ZNF469: variants seen among roughly 807,000 people sequenced by gnomAD.
ZNF469 encodes the protein zinc finger protein 469.
In ZNF469, 1 loss-of-function variant was observed where a neutral mutation model predicts 1.0. The ratio of observed to expected loss-of-function variants is 1.00; its 90% confidence interval spans 0.35 to 4.73. The LOEUF (loss-of-function observed/expected upper bound fraction) is 4.73. Ranked by LOEUF, ZNF469 falls within the 30% of genes most tolerant of loss-of-function variation. The pLI is 0.16. For missense variants in ZNF469, 6,100 were observed against 5,356.3 expected (o/e 1.14, Z -4.33); for synonymous variants, 2,703 against 2,363.4 (o/e 1.14, Z -4.17).
chr16:88,363,316 G>A, the ZNF469 span, among the ~76,000 whole-genome samples: 1 of 152,200 alleles, frequency 6.6e-6, no homozygotes, highest in Non-Finnish European at 1.5e-5. Context: ...TGGACATTGT[G>A]AGTGACATAT....
At position 88,433,114 on chromosome 16, in the gene ZNF469, G is replaced by T; in HGVS notation, c.5644G>T (p.Ala1882Ser). The change falls in exon 3 of 3, where the codon GCC becomes TCC. Residue 1882 changes from alanine to serine, a missense_variant. Physicochemically the swap from Ala to Ser is moderately conservative, Grantham distance 99. Coordinates refer to ENST00000565624, the MANE Select transcript of ZNF469 (RefSeq NM_001367624.2). Reference protein sequence around the residue: ...EAWLVPVPSPACVSNTHPSRR... With the variant: ...EAWLVPVPSPSCVSNTHPSRR... ...TTGGTTGGTCCCTGTGCCAAGTCCC[G>T]CCTGTGTATCCAACACCCACCCTAG... is the stretch of plus-strand genomic sequence containing the variant. The T allele has an allele frequency of 6.5e-7, 1 of 1,550,288 alleles. No individual in the cohort carries two copies. The highest frequency in any genetic ancestry group is 2.4e-5 in the East Asian group (1 of 40,920).
intron 1 of ZNF469, among the ~76,000 whole-genome samples, chr16:88,394,654 G>A (rs1251145012): frequency 6.6e-6 from 1 of 152,148 alleles, no homozygotes; most frequent in African/African-American, 2.4e-5. Flanking sequence ...TGGTGAGCTT[G>A]TCGAATGCTG....
At chr16:88,337,692 A>G in the ZNF469 span, among the ~76,000 whole-genome samples, 1 of 152,122 alleles carries the variant, frequency 6.6e-6, no homozygotes, top group South Asian at 2.1e-4. Context: ...GCACATCTTT[A>G]GTTCTGGCCA....
chr16:88,118,139 T>G, the ZNF469 span, among the ~76,000 whole-genome samples: 1 of 152,068 alleles, frequency 6.6e-6, no homozygotes, highest in Non-Finnish European at 1.5e-5. Context: ...GACGGGGTTT[T>G]GCCATGTTGG....
chr16:88,185,312 G>A, the ZNF469 span, among the ~76,000 whole-genome samples: 3 of 152,076 alleles, frequency 2.0e-5, no homozygotes, highest in East Asian at 5.8e-4. Flanking sequence ...AACTCTCACA[G>A]TCACACATTC....
the ZNF469 span, among the ~76,000 whole-genome samples, chr16:88,346,051 C>T: frequency 6.6e-6 from 1 of 152,222 alleles, no homozygotes; most frequent in South Asian, 2.1e-4. Context: ...GCTGTGAGCA[C>T]ACCACTCAGA....
the ZNF469 span, among the ~76,000 whole-genome samples, chr16:88,288,374 G>A: frequency 2.6e-4 from 40 of 152,242 alleles, no homozygotes; most frequent in African/African-American, 8.7e-4. Flanking sequence ...TTGATGGCAG[G>A]ACCTACCTGT....
At chr16:88,329,196 C>T in the ZNF469 span, among the ~76,000 whole-genome samples, 10 of 152,124 alleles carry the variant, frequency 6.6e-5, no homozygotes, top group East Asian at 1.4e-3. Flanking sequence ...GTAACACGGC[C>T]GCTGCTGTCC....
chr16:88,408,832 G>A (rs1332789662), intron 1 of ZNF469, among the ~76,000 whole-genome samples: 1 of 152,234 alleles, frequency 6.6e-6, no homozygotes, highest in East Asian at 1.9e-4. Context: ...TGGCCCCAGT[G>A]CCTTTTCCAG....
intron 1 of ZNF469, among the ~76,000 whole-genome samples, chr16:88,401,532 TGCATGGG>T (rs1567501588): frequency 1.4e-3 from 149 of 103,100 alleles, no homozygotes; most frequent in Middle Eastern, 5.3e-3. Context: ...GATGGATGGA[TGCATGGG>T]TGGATGGATG....
intron 1 of ZNF469, among the ~76,000 whole-genome samples, chr16:88,387,463 T>G (rs895921688): frequency 2.6e-5 from 4 of 152,136 alleles, no homozygotes; most frequent in Non-Finnish European, 4.4e-5. Context: ...CCCACCCCCT[T>G]GGCTGCTTGC....
chr16:88,129,841 A>G, the ZNF469 span, among the ~76,000 whole-genome samples: 1 of 152,230 alleles, frequency 6.6e-6, no homozygotes, highest in African/African-American at 2.4e-5. Flanking sequence ...AGCCTGGGCC[A>G]CAGAGCGAGA....
At chr16:88,203,728 CT>C in the ZNF469 span, among the ~76,000 whole-genome samples, 25 of 150,100 alleles carry the variant, frequency 1.7e-4, no homozygotes, top group African/African-American at 5.8e-4. Context: ...GTGTCTGTCC[CT>C]GTGTGTGTGT....
intron 1 of ZNF469, among the ~76,000 whole-genome samples, chr16:88,400,369 C>T (rs767976886): frequency 2.0e-5 from 3 of 152,192 alleles, no homozygotes; most frequent in Non-Finnish European, 4.4e-5. Flanking sequence ...ACCAGGACAA[C>T]GGCTCCATTT....
the ZNF469 span, among the ~76,000 whole-genome samples, chr16:88,214,552 C>A: frequency 2.9e-3 from 447 of 151,930 alleles, 2 homozygotes; most frequent in African/African-American, 9.5e-3. Flanking sequence ...CAGTGCAGAA[C>A]GTGCAGGTTT....
chr16:88,199,082 G>A, the ZNF469 span, among the ~76,000 whole-genome samples: 1 of 152,196 alleles, frequency 6.6e-6, no homozygotes, highest in Admixed American at 6.5e-5. Context: ...TGCCACCAGG[G>A]TTCCCATTCC....
chr16:88,363,632 T>G, the ZNF469 span, among the ~76,000 whole-genome samples: 2 of 152,250 alleles, frequency 1.3e-5, no homozygotes, highest in African/African-American at 2.4e-5. Flanking sequence ...CCCTAAACTC[T>G]GTCTTCTGGT....
the ZNF469 span, among the ~76,000 whole-genome samples, chr16:88,135,431 G>A: frequency 1.3e-5 from 2 of 152,238 alleles, no homozygotes; most frequent in Non-Finnish European, 2.9e-5. Context: ...CCAGATGGAC[G>A]AGGTTGGCCA....
chr16:88,423,622 C>T (rs1389961866), intron 1 of ZNF469, among the ~76,000 whole-genome samples: 1 of 152,214 alleles, frequency 6.6e-6, no homozygotes, highest in Non-Finnish European at 1.5e-5. Flanking sequence ...AATTCCCTCA[C>T]AAGGTTGCGG....
Sources: gnomAD v4.1 joint callset for allele counts (sites outside exome capture counted in the v4.1 genomes callset) on GRCh38, gnomAD v4.1.1 for gene constraint, MANE v1.5 for transcripts, NCBI Gene and HGNC (gene_info 2026-07-23, HGNC 2026-07-21) for gene names.